SLC20A2: variants seen among roughly 807,000 people sequenced by gnomAD.
The protein encoded by SLC20A2 is solute carrier family 20 member 2.
In SLC20A2, 30 loss-of-function variants were observed where a neutral mutation model predicts 61.0. The observed-to-expected ratio is 0.49, with a 90% CI of 0.37 to 0.67. The LOEUF (loss-of-function observed/expected upper bound fraction) is 0.67. Among genes scored for constraint, SLC20A2 ranks in the 30% least tolerant of loss-of-function variants. The pLI, the probability that SLC20A2 is intolerant of heterozygous loss-of-function variation, is 0.00. For synonymous variants in SLC20A2, 351 were observed against 353.3 expected (o/e 0.99, Z 0.07); for missense variants, 626 against 866.4 (o/e 0.72, Z 3.48).
intron 1 of SLC20A2, among the ~76,000 whole-genome samples, chr8:42,507,446 A>T (rs1810777510): frequency 6.6e-6 from 1 of 152,116 alleles, no homozygotes; most frequent in South Asian, 2.1e-4. Flanking sequence ...TAGCTAATTC[A>T]GCATAATTTT....
At chr8:42,424,000 A>G (rs2130933387) in intron 10 of SLC20A2, among the ~76,000 whole-genome samples, 1 of 152,342 alleles carries the variant, frequency 6.6e-6, no homozygotes, top group East Asian at 1.9e-4. Flanking sequence ...GCTGTTCCAA[A>G]TTGAAATGGT....
chr8:42,521,614 T>A (rs1244562210), intron 1 of SLC20A2, among the ~76,000 whole-genome samples: 1 of 120,036 alleles, frequency 8.3e-6, no homozygotes, highest in African/African-American at 2.5e-5. Flanking sequence ...CTCAGCCTCC[T>A]GAGTAGCTGG....
intron 1 of SLC20A2, among the ~76,000 whole-genome samples, chr8:42,500,038 T>C (rs561267336): frequency 1.3e-5 from 2 of 152,338 alleles, no homozygotes; most frequent in East Asian, 3.9e-4. Flanking sequence ...CTAAATCTTT[T>C]CAAAATGGGA....
chr8:42,438,073 A>AAAAAAAAAAAAAAAAAAAAC (rs1804468464), intron 7 of SLC20A2, among the ~76,000 whole-genome samples: 1 of 149,064 alleles, frequency 6.7e-6, no homozygotes, highest in African/African-American at 2.5e-5. Flanking sequence ...CAAAAAAAAA[A>AAAAAAAAAAAAAAAAAAAAC]AAAAAAAAAA....
intron 1 of SLC20A2, among the ~76,000 whole-genome samples, chr8:42,530,452 T>A (rs1374339972): frequency 6.6e-6 from 1 of 152,178 alleles, no homozygotes; most frequent in East Asian, 1.9e-4. Context: ...CTCCAAAACT[T>A]CTGTATCCAT....
rs926459263 is a variant in SLC20A2 at position 42,520,882 on chromosome 8, T to A, written c.-265+20939A>T. Among the ~76,000 whole-genome samples, 12 of 121,540 alleles carry A rather than the reference T, an allele frequency of 9.9e-5. 5 individuals carry two copies. Among genetic ancestry groups the A allele is most frequent in the Admixed American group, 7.4e-4 (9 of 12,118 alleles). The allele number at this position is 121,540 out of a possible 152,430, so 79.7% of individuals were successfully genotyped here. A position where few individuals can be genotyped will look rare whatever the true frequency, so the allele number is the denominator to read the frequency against. ...TTCATTAAGAAAAGAAAATAATATT[T>A]GAGTACGTGTTGTCTTACAGTATAC... On this transcript the variant is annotated intron_variant, in intron 1 of 10. Transcript: ENST00000342228.
chr8:42,496,971 G>A (rs151282282), intron 1 of SLC20A2, among the ~76,000 whole-genome samples: 20 of 152,352 alleles, frequency 1.3e-4, no homozygotes, highest in African/African-American at 4.8e-4. Context: ...GTCACATGGG[G>A]AGGAGAGTCT....
intron 5 of SLC20A2, among the ~76,000 whole-genome samples, chr8:42,452,658 G>C (rs1805834609): frequency 6.6e-6 from 1 of 150,972 alleles, no homozygotes; most frequent in South Asian, 2.1e-4. Context: ...ATAAAGAGGA[G>C]GAGACAGAGA....
Position 42,472,684 on chromosome 8 carries a change from A to G in SLC20A2, c.-264-30T>C, listed in dbSNP as rs541665725. Reference sequence around the variant, plus strand: ...AGCAGAAAGGAAACAAAAGAAATCAATTATACTCAGCAACCTGTAACAGTT... The same window carrying G: ...AGCAGAAAGGAAACAAAAGAAATCAGTTATACTCAGCAACCTGTAACAGTT... On this transcript the variant is annotated intron_variant, in intron 1 of 10. Coordinates refer to ENST00000520262, the MANE Select transcript of SLC20A2 (RefSeq NM_001257180.2). The surrounding 1 kb of genome is among the most constrained non-coding windows in gnomAD (Gnocchi z 4.1). The G allele has an allele frequency of 3.0e-6, 1 of 337,192 alleles. No homozygotes were observed. Among genetic ancestry groups the G allele is most frequent in the East Asian group, 6.2e-5 (1 of 16,126 alleles). 20.9% of individuals were successfully genotyped at this position (337,192 alleles called of 1,614,324 possible). A position where few individuals can be genotyped will look rare whatever the true frequency, so the allele number is the denominator to read the frequency against.
intron 3 of SLC20A2, among the ~76,000 whole-genome samples, chr8:42,464,254 C>T (rs1318457153): frequency 6.0e-5 from 9 of 148,974 alleles, no homozygotes; most frequent in East Asian, 1.9e-4. Flanking sequence ...ACTACAAGTG[C>T]GCACCATCAC....
chr8:42,420,132 G>A (rs4736831), intron 10 of SLC20A2, among the ~76,000 whole-genome samples: 1 of 151,608 alleles, frequency 6.6e-6, no homozygotes, highest in East Asian at 1.9e-4. Flanking sequence ...GTTGCAGTGA[G>A]CCGAGATGGC....
At position 42,540,048 on chromosome 8, in the gene SLC20A2, T is replaced by C. The variant is rs559790870; in HGVS notation, c.-265+1773A>G. On this transcript the variant is annotated intron_variant, in intron 1 of 10. Coordinates refer to the SLC20A2 transcript ENST00000342228. ...GGCTCACGCCTGTAATCCCAGCACT[T>C]TGGGAGGCCGAGGCGGGCGGAACAC... Among the ~76,000 whole-genome samples, 7 of 152,230 alleles carry C rather than the reference T, an allele frequency of 4.6e-5. No individual in the cohort carries two copies. In the East Asian group the frequency reaches 1.3e-3, roughly 29 times the overall value.
At chr8:42,518,624 T>C (rs1200407509) in intron 1 of SLC20A2, among the ~76,000 whole-genome samples, 1 of 152,248 alleles carries the variant, frequency 6.6e-6, no homozygotes. Context: ...CCGTGTATAC[T>C]TTCACTTGTT....
chr8:42,494,068 G>A (rs1246189971), intron 1 of SLC20A2, among the ~76,000 whole-genome samples: 1 of 152,102 alleles, frequency 6.6e-6, no homozygotes. Context: ...GCTCAAGCTG[G>A]GGGAGTCAAG....
At chr8:42,423,918 C>G (rs771239522) in intron 10 of SLC20A2, among the ~76,000 whole-genome samples, 7 of 152,078 alleles carry the variant, frequency 4.6e-5, no homozygotes, top group Non-Finnish European at 7.3e-5. Flanking sequence ...AGAAGGGGGA[C>G]CAGAGAACAA....
intron 1 of SLC20A2, among the ~76,000 whole-genome samples, chr8:42,507,760 C>T (rs948947953): frequency 1.3e-5 from 2 of 152,168 alleles, no homozygotes; most frequent in African/African-American, 4.8e-5. Context: ...CACTGTCCCA[C>T]GGTCCATAAA....
intron 5 of SLC20A2, among the ~76,000 whole-genome samples, chr8:42,447,429 G>C (rs1169477631): frequency 6.6e-6 from 1 of 151,982 alleles, no homozygotes; most frequent in Non-Finnish European, 1.5e-5. Context: ...TGTAATCCCA[G>C]CACTTTGGGA....
chr8:42,511,792 G>A (rs752694913), intron 1 of SLC20A2, among the ~76,000 whole-genome samples: 12 of 151,818 alleles, frequency 7.9e-5, no homozygotes, highest in Non-Finnish European at 1.6e-4. Flanking sequence ...GTATCCTTAG[G>A]TACTAAGTAT....
chr8:42,532,502 T>C (rs1035971361), intron 1 of SLC20A2, among the ~76,000 whole-genome samples: 1 of 152,162 alleles, frequency 6.6e-6, no homozygotes, highest in African/African-American at 2.4e-5. Flanking sequence ...AGAATACTAA[T>C]CTAATTCTTA....
Sources: allele counts gnomAD v4.1 joint callset (sites outside exome capture counted in the v4.1 genomes callset), GRCh38; gene constraint gnomAD v4.1.1; non-coding constraint Gnocchi (gnomAD v3.1); transcripts MANE v1.5; gene names NCBI Gene and HGNC (gene_info 2026-07-23, HGNC 2026-07-21).